ZSWIM6: variants seen among roughly 807,000 people sequenced by gnomAD.
The protein encoded by ZSWIM6 is zinc finger SWIM-type containing 6.
ZSWIM6 carries 9 observed loss-of-function variants against 113.2 expected under a neutral mutation model. That is an observed-to-expected ratio of 0.08 (90% CI 0.05 to 0.14). The LOEUF (loss-of-function observed/expected upper bound fraction) is 0.14. ZSWIM6 is among the 10% of genes least tolerant of loss of function. ZSWIM6 has a pLI of 1.00. For synonymous variants in ZSWIM6, 611 were observed against 606.5 expected (o/e 1.01, Z -0.11); for missense variants, 1,162 against 1,552.2 (o/e 0.75, Z 4.22).
chr5:61,414,563 G>A (rs912193308), intron 1 of ZSWIM6, among the ~76,000 whole-genome samples: 5 of 152,164 alleles, frequency 3.3e-5, no homozygotes, highest in African/African-American at 1.2e-4. Context: ...ATTAGTTATG[G>A]TTTTTAAATT....
chr5:61,507,385 G>A (rs1748654064), intron 4 of ZSWIM6, among the ~76,000 whole-genome samples: 2 of 152,140 alleles, frequency 1.3e-5, no homozygotes, highest in Admixed American at 6.5e-5. Context: ...GTGAACAGCT[G>A]ATGTATTCAG....
chr5:61,387,114 A>T (rs1745605898), intron 1 of ZSWIM6, among the ~76,000 whole-genome samples: 1 of 152,286 alleles, frequency 6.6e-6, no homozygotes, highest in East Asian at 1.9e-4. Flanking sequence ...GTCAGAAAAT[A>T]GCTTTCTATG....
intron 1 of ZSWIM6, among the ~76,000 whole-genome samples, chr5:61,445,799 A>T (rs1580000345): frequency 6.6e-6 from 1 of 152,054 alleles, no homozygotes; most frequent in Non-Finnish European, 1.5e-5. Context: ...TGAACCCCAA[A>T]TTTTTTCTCA....
At chr5:61,346,102 G>A (rs1213574008) in intron 1 of ZSWIM6, among the ~76,000 whole-genome samples, 1 of 151,750 alleles carries the variant, frequency 6.6e-6, no homozygotes, top group African/African-American at 2.4e-5. Flanking sequence ...CCATCACCAC[G>A]CCCAGCTAAT....
At chr5:61,333,021 C>T (rs1055104102) in intron 1 of ZSWIM6, 73 bp downstream of exon 1, 523 of 1,096,398 alleles carry the variant, frequency 4.8e-4, no homozygotes, top group Non-Finnish European at 5.7e-4. Context: ...GCCCGCCTTT[C>T]TCCTGCGGAC....
intron 1 of ZSWIM6, among the ~76,000 whole-genome samples, chr5:61,345,802 ATTATCT>A (rs1289457779): frequency 6.6e-6 from 1 of 152,200 alleles, no homozygotes; most frequent in African/African-American, 2.4e-5. Flanking sequence ...TTTTCTTCAC[ATTATCT>A]TTAAGGTAGT....
intron 1 of ZSWIM6, among the ~76,000 whole-genome samples, chr5:61,436,212 A>AG (rs1347173434): frequency 6.6e-6 from 1 of 152,134 alleles, no homozygotes; most frequent in East Asian, 1.9e-4. Flanking sequence ...AAAAAAAAAA[A>AG]AAAAAATGTA....
chr5:61,539,628 T>G lies in ZSWIM6; in HGVS notation c.2572T>G (p.Ser858Ala), dbSNP rs1359714860. 1.3e-6 allele frequency: 2 copies of G among 1,551,952 alleles called. No homozygotes were observed. Among genetic ancestry groups the G allele is most frequent in the Admixed American group, 3.9e-5 (2 of 51,000 alleles). The change falls in exon 12 of 14, where the codon TCC becomes GCC. Residue 858 changes from serine (S) to alanine (A), a missense_variant. Coordinates refer to ENST00000252744, the MANE Select transcript of ZSWIM6 (RefSeq NM_020928.2). ...DVRRLETVLESIQKNIHSSSH... is the reference protein window; with the variant it reads ...DVRRLETVLEAIQKNIHSSSH... ...TCGGAGGCTGGAAACAGTATTAGAA[T>G]CCATCCAGAAAAACATTCACTCCTC...
chr5:61,405,085 G>A (rs1256155595), intron 1 of ZSWIM6, among the ~76,000 whole-genome samples: 2 of 152,222 alleles, frequency 1.3e-5, no homozygotes, highest in Non-Finnish European at 2.9e-5. Context: ...TTCTAGGAGT[G>A]AGAGACCAGT....
At chr5:61,541,775 TG>T in intron 12 of ZSWIM6, 108 bp from the exon 13 acceptor site, 1 of 827,858 alleles carries the variant, frequency 1.2e-6, no homozygotes. Flanking sequence ...TTCATCTTCC[TG>T]GTGGTAGACA....
At chr5:61,536,697 GCAGT>G (rs1749582906) in intron 10 of ZSWIM6, among the ~76,000 whole-genome samples, 8 of 152,168 alleles carry the variant, frequency 5.3e-5, no homozygotes, top group Admixed American at 6.5e-5. Flanking sequence ...TCTTTTTTAT[GCAGT>G]GATAAGGATG....
chr5:61,390,981 CA>C, intron 1 of ZSWIM6: 1 of 756,274 alleles, frequency 1.3e-6, no homozygotes, highest in Non-Finnish European at 2.4e-6. Flanking sequence ...TGTTCTTGAT[CA>C]GTTTGCTGTC....
chr5:61,509,882 G>A (rs1748732039), intron 4 of ZSWIM6, among the ~76,000 whole-genome samples: 1 of 151,856 alleles, frequency 6.6e-6, no homozygotes, highest in South Asian at 2.1e-4. Flanking sequence ...GTGATTTTGA[G>A]TGATTCTTTA....
intron 1 of ZSWIM6, among the ~76,000 whole-genome samples, chr5:61,393,771 T>C (rs1745781014): frequency 6.6e-6 from 1 of 151,986 alleles, no homozygotes; most frequent in Non-Finnish European, 1.5e-5. Flanking sequence ...AGACGGAATG[T>C]ACTGTGCATC....
At chr5:61,401,228 T>C (rs1745934256) in intron 1 of ZSWIM6, among the ~76,000 whole-genome samples, 1 of 151,662 alleles carries the variant, frequency 6.6e-6, no homozygotes, top group Non-Finnish European at 1.5e-5. Context: ...TAAATGGGGG[T>C]TGGGATGGTG....
chr5:61,335,155 G>A (rs1744366829), intron 1 of ZSWIM6, among the ~76,000 whole-genome samples: 1 of 152,266 alleles, frequency 6.6e-6, no homozygotes, highest in South Asian at 2.1e-4. Context: ...TTTTTGAATA[G>A]TCCCCAAAGG....
At chr5:61,450,329 T>C (rs1456799741) in intron 1 of ZSWIM6, among the ~76,000 whole-genome samples, 4 of 152,144 alleles carry the variant, frequency 2.6e-5, no homozygotes, top group Admixed American at 1.3e-4. Flanking sequence ...CAGTGAAAAA[T>C]AGATGGCTGT....
chr5:61,354,681 A>G (rs999665928), intron 1 of ZSWIM6, among the ~76,000 whole-genome samples: 2 of 152,178 alleles, frequency 1.3e-5, no homozygotes, highest in Non-Finnish European at 2.9e-5. Flanking sequence ...CTCCATTTCA[A>G]TCCCCCTGCA....
At chr5:61,333,804 G>A (rs1254196934) in intron 1 of ZSWIM6, among the ~76,000 whole-genome samples, 1 of 152,064 alleles carries the variant, frequency 6.6e-6, no homozygotes, top group Non-Finnish European at 1.5e-5. Context: ...CGCAGCCCTT[G>A]TGCCCCGCCG....
Sources: gnomAD v4.1 joint callset for allele counts (sites outside exome capture counted in the v4.1 genomes callset) on GRCh38, gnomAD v4.1.1 for gene constraint, MANE v1.5 for transcripts, NCBI Gene and HGNC (gene_info 2026-07-23, HGNC 2026-07-21) for gene names.